The following NEDD4L variants were observed in gnomAD, a reference collection of about 807,000 sequenced individuals.
The protein encoded by NEDD4L is NEDD4 like E3 ubiquitin protein ligase, also known as E3 ubiquitin-protein ligase NEDD4-like.
A neutral mutation model predicts 148.9 loss-of-function variants in NEDD4L; 54 were observed. That is an observed-to-expected ratio of 0.36 (90% confidence interval 0.29 to 0.45). NEDD4L has a LOEUF of 0.45. Among genes scored for constraint, NEDD4L ranks in the 20% least tolerant of loss-of-function variants. The pLI is 1.00. For missense variants in NEDD4L, 856 were observed against 1,233.8 expected, an observed-to-expected ratio of 0.69 and a Z score of 4.59; for synonymous variants, 433 against 440.7, an observed-to-expected ratio of 0.98 and a Z score of 0.22.
chr18:58,055,324 A>C (rs2082043084), intron 1 of NEDD4L, among the ~76,000 whole-genome samples: 1 of 152,194 alleles, frequency 6.6e-6, no homozygotes, highest in Admixed American at 6.5e-5. Context: ...CTAACTAGGG[A>C]TATATTCCAG....
chr18:58,153,098 G>A (rs911817862), intron 1 of NEDD4L, among the ~76,000 whole-genome samples: 8 of 152,272 alleles, frequency 5.3e-5, no homozygotes, highest in African/African-American at 1.2e-4. Flanking sequence ...AGGCTGCATC[G>A]CCCATACTTC....
chr18:58,092,812 T>C (rs1042582785), intron 1 of NEDD4L, among the ~76,000 whole-genome samples: 2 of 142,108 alleles, frequency 1.4e-5, no homozygotes, highest in African/African-American at 5.6e-5. Context: ...ATTCTCTCCC[T>C]GGTACCAAAA....
At chr18:58,341,950 C>T (rs2042482268) in intron 15 of NEDD4L, among the ~76,000 whole-genome samples, 153 bp downstream of exon 15, 1 of 152,206 alleles carries the variant, frequency 6.6e-6, no homozygotes, top group Admixed American at 6.5e-5. Flanking sequence ...AGCCTTTCTA[C>T]CTGCTTCTCT....
intron 24 of NEDD4L, among the ~76,000 whole-genome samples, chr18:58,381,752 A>G (rs531002219): frequency 4.5e-4 from 69 of 152,252 alleles, no homozygotes; most frequent in Non-Finnish European, 8.4e-4. Flanking sequence ...CATAGAACAA[A>G]AGGTATGGAT....
At chr18:58,100,090 G>T (rs181756293) in intron 1 of NEDD4L, among the ~76,000 whole-genome samples, 2 of 152,238 alleles carry the variant, frequency 1.3e-5, no homozygotes, top group East Asian at 3.9e-4. Context: ...ACAGAAGCAT[G>T]CTGGGATGAT....
At chr18:58,192,399 CT>C (rs1178492944) in intron 2 of NEDD4L, among the ~76,000 whole-genome samples, 2 of 152,142 alleles carry the variant, frequency 1.3e-5, no homozygotes, top group Non-Finnish European at 2.9e-5. Flanking sequence ...AGGGAAGTTC[CT>C]TTTGCCTGTC....
chr18:58,137,956 T>C (rs1017487270), intron 1 of NEDD4L, among the ~76,000 whole-genome samples: 4 of 152,172 alleles, frequency 2.6e-5, no homozygotes, highest in Non-Finnish European at 5.9e-5. Context: ...TCAGACCCAT[T>C]AGGTATAAGG....
intron 2 of NEDD4L, among the ~76,000 whole-genome samples, chr18:58,237,455 A>C (rs1019518723): frequency 6.6e-6 from 1 of 152,222 alleles, no homozygotes; most frequent in African/African-American, 2.4e-5. Context: ...AAGGCATAAG[A>C]AAATATGCTG....
intron 2 of NEDD4L, among the ~76,000 whole-genome samples, chr18:58,199,426 A>G (rs542113600): frequency 6.6e-6 from 1 of 151,976 alleles, no homozygotes; most frequent in Non-Finnish European, 1.5e-5. Context: ...CACTTTCTAC[A>G]TTGCACAGGA....
intron 5 of NEDD4L, among the ~76,000 whole-genome samples, chr18:58,276,807 A>G (rs553019242): frequency 5.3e-5 from 8 of 152,178 alleles, no homozygotes; most frequent in African/African-American, 1.4e-4. Context: ...GGAAAGCCGC[A>G]TGATGCCATG....
At chr18:58,073,583 C>T (rs1020333295) in intron 1 of NEDD4L, among the ~76,000 whole-genome samples, 2 of 152,120 alleles carry the variant, frequency 1.3e-5, no homozygotes, top group African/African-American at 4.8e-5. Context: ...ACCTTGAAAA[C>T]GTATGGTAGG....
At chr18:58,265,836 T>G (rs546255406) in intron 5 of NEDD4L, among the ~76,000 whole-genome samples, 2 of 152,212 alleles carry the variant, frequency 1.3e-5, no homozygotes, top group South Asian at 4.2e-4. Flanking sequence ...AGTGCTGGGT[T>G]TACAGGCATG....
At chr18:58,259,687 G>A (rs1292718323) in intron 5 of NEDD4L, among the ~76,000 whole-genome samples, 3 of 152,168 alleles carry the variant, frequency 2.0e-5, no homozygotes, top group Non-Finnish European at 2.9e-5. Context: ...TCAGTGTCTT[G>A]CTGACACAGT....
At chr18:58,263,071 A>C (rs2049679664) in intron 5 of NEDD4L, among the ~76,000 whole-genome samples, 1 of 152,186 alleles carries the variant, frequency 6.6e-6, no homozygotes, top group African/African-American at 2.4e-5. Flanking sequence ...AAAAGGACGG[A>C]TCATAATTGA....
intron 1 of NEDD4L, among the ~76,000 whole-genome samples, chr18:58,129,613 T>C (rs1014235767): frequency 2.0e-5 from 3 of 152,242 alleles, no homozygotes; most frequent in African/African-American, 7.2e-5. Flanking sequence ...TGTGTGTTCT[T>C]AATAAACTTT....
intron 2 of NEDD4L, among the ~76,000 whole-genome samples, chr18:58,169,989 A>G: frequency 6.6e-6 from 1 of 152,202 alleles, no homozygotes; most frequent in Non-Finnish European, 1.5e-5. Flanking sequence ...CTAGGATTCT[A>G]TTTTATTTAT....
intron 1 of NEDD4L, among the ~76,000 whole-genome samples, chr18:58,134,892 G>A (rs989335402): frequency 1.4e-4 from 22 of 152,016 alleles, no homozygotes; most frequent in African/African-American, 5.1e-4. Context: ...GTGTGAAGTA[G>A]TGAGGGAAAG....
Position 58,101,829 on chromosome 18 carries a change from C to CT in NEDD4L, c.48+57129dup, listed in dbSNP as rs527887259. 5.0e-4 allele frequency among the ~76,000 whole-genome samples: 76 copies of CT among 152,086 alleles called. 1 individual carries two copies. Among genetic ancestry groups the CT allele is most frequent in the African/African-American group, 1.7e-3 (72 of 41,504 alleles). Reference sequence around the variant, plus strand: ...AGAGAGAATGAGCCAGGATGGAGAACTTTTTTTTGTTTAATTGTGTCATGT... The same window carrying CT: ...AGAGAGAATGAGCCAGGATGGAGAACTTTTTTTTTGTTTAATTGTGTCATGT... On this transcript the variant is annotated intron_variant, in intron 1 of 30. Coordinates refer to ENST00000400345, the MANE Select transcript of NEDD4L (RefSeq NM_001144967.3).
chr18:58,063,185 A>C (rs1364598639), intron 1 of NEDD4L, among the ~76,000 whole-genome samples: 1 of 151,374 alleles, frequency 6.6e-6, no homozygotes, highest in Non-Finnish European at 1.5e-5. Flanking sequence ...AGCTGGGACT[A>C]CAGGCACTCG....
Sources: allele counts gnomAD v4.1 joint callset (sites outside exome capture counted in the v4.1 genomes callset), GRCh38; gene constraint gnomAD v4.1.1; transcripts MANE v1.5; gene names NCBI Gene and HGNC (gene_info 2026-07-23, HGNC 2026-07-21).